Variants in DOCK9 observed in about 807,000 individuals in gnomAD.
DOCK9 encodes the protein dedicator of cytokinesis 9.
A neutral mutation model predicts 263.3 loss-of-function variants in DOCK9; 89 were observed. The observed-to-expected ratio is 0.34, with a 90% CI of 0.28 to 0.40. The LOEUF is 0.40. DOCK9 is among the 10% of genes least tolerant of loss of function. The pLI, the probability that DOCK9 is intolerant of heterozygous loss-of-function variation, is 1.00. For synonymous variants in DOCK9, 976 were observed against 973.1 expected, an observed-to-expected ratio of 1.00 and a Z score of -0.06; for missense variants, 2,140 against 2,603.4, an observed-to-expected ratio of 0.82 and a Z score of 3.87.
intron 32 of DOCK9, among the ~76,000 whole-genome samples, chr13:98,861,091 T>C (rs144268470): frequency 3.6e-4 from 55 of 152,370 alleles, no homozygotes; most frequent in African/African-American, 1.3e-3. Context: ...GGTCACATTC[T>C]ACTCTGAATT....
At chr13:98,853,561 G>A (rs773715533) in intron 34 of DOCK9, 39 bp from the exon 35 acceptor site, 12 of 1,427,782 alleles carry the variant, frequency 8.4e-6, no homozygotes, top group Admixed American at 1.7e-5. Flanking sequence ...ATTTAATTAC[G>A]GGAGGAAAAC....
rs2041762750 is a variant in DOCK9 at position 99,073,291 on chromosome 13, C to A, written c.129+12932G>T. On this transcript the variant is annotated intron_variant, in intron 1 of 32. Coordinates refer to the DOCK9 transcript ENST00000427887. The stretch of plus-strand genomic sequence containing the variant: ...GGCTCAGAGAGTCAGCTAAGGAATT[C>A]TCTCATTCTCATTCATTCTCTCTCT... Among the ~76,000 whole-genome samples, 2 of 151,892 alleles carry A rather than the reference C, an allele frequency of 1.3e-5. 1 individual carries two copies. The highest frequency in any genetic ancestry group is 6.8e-3 in the Middle Eastern group (2 of 294).
At chr13:98,822,062 G>A (rs1200123651) in intron 45 of DOCK9, among the ~76,000 whole-genome samples, 5 of 152,094 alleles carry the variant, frequency 3.3e-5, no homozygotes, top group Non-Finnish European at 5.9e-5. Context: ...TCTGCTTCCC[G>A]TTAGTTTCAA....
chr13:98,981,731 G>C (rs1877259614), upstream of DOCK9, among the ~76,000 whole-genome samples: 1 of 152,182 alleles, frequency 6.6e-6, no homozygotes, highest in Non-Finnish European at 1.5e-5. Flanking sequence ...CTGTCAAGGA[G>C]AGTCACATGG....
chr13:99,069,328 T>G (rs2041569685), intron 1 of DOCK9, among the ~76,000 whole-genome samples: 1 of 152,362 alleles, frequency 6.6e-6, no homozygotes, highest in Admixed American at 6.5e-5. Flanking sequence ...CTAATACCCC[T>G]TAAACAGAAA....
chr13:98,876,822 G>T (rs752061360), intron 27 of DOCK9, among the ~76,000 whole-genome samples: 4 of 152,206 alleles, frequency 2.6e-5, no homozygotes, highest in Non-Finnish European at 4.4e-5. Flanking sequence ...AAGCCAGAGA[G>T]GAGTGCTCTA....
chr13:98,806,332 T>C (rs886151292), intron 48 of DOCK9, among the ~76,000 whole-genome samples: 10 of 152,222 alleles, frequency 6.6e-5, no homozygotes, highest in African/African-American at 2.2e-4. Flanking sequence ...TGTGACATGA[T>C]AGAGAATTAA....
At chr13:98,796,117 G>T in intron 52 of DOCK9, 1 of 983,172 alleles carries the variant, frequency 1.0e-6, no homozygotes, top group Non-Finnish European at 1.6e-6. Flanking sequence ...CTGTCATTAT[G>T]CCAATGTCTG....
chr13:98,905,201 T>C (rs1428505795), intron 9 of DOCK9, among the ~76,000 whole-genome samples: 1 of 151,956 alleles, frequency 6.6e-6, no homozygotes, highest in African/African-American at 2.4e-5. Context: ...AATGATGAGA[T>C]AGAGAAAATG....
chr13:98,795,884 G>T (rs12877190), intron 52 of DOCK9, among the ~76,000 whole-genome samples: 2 of 151,478 alleles, frequency 1.3e-5, no homozygotes, highest in African/African-American at 4.9e-5. Context: ...TCAGCCTCCC[G>T]AGTAGCTGAG....
intron 1 of DOCK9, among the ~76,000 whole-genome samples, chr13:99,033,843 C>T (rs993562682): frequency 3.3e-5 from 5 of 152,150 alleles, no homozygotes; most frequent in African/African-American, 9.7e-5. Flanking sequence ...ACCTCAAATG[C>T]TCCCTACATA....
chr13:98,897,544 T>C lies in DOCK9; in HGVS notation c.1653A>G (p.Gln551=). ...KNARFSAIYR[Q]DSNKLSNDDM... is the part of the protein sequence containing the mutation. The stretch of plus-strand genomic sequence containing the variant: ...CATCATTGGATAGCTTATTGCTGTC[T>C]TGCCTGTAGATGGCAGAAAATCTGG... The change falls in exon 15 of 53, where the codon CAA becomes CAG. Residue 551 remains glutamine (Q), a synonymous_variant. Coordinates refer to ENST00000682017, the MANE Select transcript of DOCK9 (RefSeq NM_001366683.2). 2.5e-6 allele frequency: 4 copies of C among 1,614,032 alleles called. No individual in the cohort carries two copies. The highest frequency in any genetic ancestry group is 3.4e-6 in the Non-Finnish European group (4 of 1,179,876).
At chr13:99,054,376 G>A (rs1200192982) in intron 1 of DOCK9, among the ~76,000 whole-genome samples, 1 of 152,134 alleles carries the variant, frequency 6.6e-6, no homozygotes, top group Non-Finnish European at 1.5e-5. Context: ...GACCAACATA[G>A]CCTCACCCAG....
At chr13:98,993,568 C>G (rs1880311725) in intron 1 of DOCK9, among the ~76,000 whole-genome samples, 3 of 152,112 alleles carry the variant, frequency 2.0e-5, no homozygotes, top group African/African-American at 7.2e-5. Context: ...AAGGCAGTAA[C>G]TATGGAAAAC....
chr13:98,830,421 T>C (rs532650597), intron 41 of DOCK9, among the ~76,000 whole-genome samples: 10 of 152,180 alleles, frequency 6.6e-5, no homozygotes, highest in Non-Finnish European at 1.5e-4. Flanking sequence ...AGCTGAGGTC[T>C]AGACTACCCT....
intron 1 of DOCK9, among the ~76,000 whole-genome samples, chr13:98,963,609 C>G (rs1240804473): frequency 2.0e-5 from 3 of 152,228 alleles, no homozygotes; most frequent in Non-Finnish European, 2.9e-5. Context: ...AAATAGCAAA[C>G]TAAATGGCAA....
At chr13:98,835,115 C>T (rs1287762940) in intron 39 of DOCK9, among the ~76,000 whole-genome samples, 1 of 152,204 alleles carries the variant, frequency 6.6e-6, no homozygotes, top group Non-Finnish European at 1.5e-5. Flanking sequence ...AATAATAATA[C>T]CAGAATTCTG....
chr13:98,961,338 C>T (rs2058618877), intron 1 of DOCK9, among the ~76,000 whole-genome samples: 1 of 152,234 alleles, frequency 6.6e-6, no homozygotes, highest in Non-Finnish European at 1.5e-5. Flanking sequence ...ATGTTGCGTC[C>T]ACTGTTTCTG....
chr13:98,861,469 A>G (rs911258792), intron 32 of DOCK9, among the ~76,000 whole-genome samples: 1 of 152,230 alleles, frequency 6.6e-6, no homozygotes, highest in African/African-American at 2.4e-5. Flanking sequence ...ATCTGCTGAA[A>G]TTCATAGCAG....
Sources: allele counts gnomAD v4.1 joint callset (sites outside exome capture counted in the v4.1 genomes callset), GRCh38; gene constraint gnomAD v4.1.1; transcripts MANE v1.5; gene names NCBI Gene and HGNC (gene_info 2026-07-23, HGNC 2026-07-21).